ZNF385D: variants seen among roughly 807,000 people sequenced by gnomAD.
The protein encoded by ZNF385D is zinc finger protein 385D.
In ZNF385D, 15 loss-of-function variants were observed where a neutral mutation model predicts 35.8. The ratio of observed to expected loss-of-function variants is 0.42; its 90% CI spans 0.28 to 0.64. ZNF385D has a LOEUF of 0.64. Ranked by LOEUF, ZNF385D falls within the 30% of genes least tolerant of loss-of-function variation. The pLI is 0.23. For synonymous variants in ZNF385D, 212 were observed against 186.8 expected (o/e 1.13, Z -1.10); for missense variants, 474 against 494.6 (o/e 0.96, Z 0.39).
chr3:22,102,896 GA>G lies in ZNF385D; in HGVS notation c.325+65920del, dbSNP rs11446123. 6.0e-4 allele frequency among the ~76,000 whole-genome samples: 59 copies of G among 97,672 alleles called. 1 individual carries two copies. The highest frequency in any genetic ancestry group is 1.6e-3 in the East Asian group (6 of 3,642). 64.1% of individuals were successfully genotyped at this position (97,672 alleles called of 152,430 possible). ...CCTAATAAACTGTGAATTTATCAGGGAAAAAAAAAAACCAACAAGTTCTCAC... is the reference window on the plus strand; with the variant it reads ...CCTAATAAACTGTGAATTTATCAGGGAAAAAAAAAACCAACAAGTTCTCAC... On this transcript the variant is annotated intron_variant, in intron 3 of 5. Transcript: ENST00000494108.
At chr3:21,795,432 A>G (rs1196630578) in intron 3 of ZNF385D, among the ~76,000 whole-genome samples, 1 of 152,224 alleles carries the variant, frequency 6.6e-6, no homozygotes, top group Non-Finnish European at 1.5e-5. Context: ...CGTCTGCTCC[A>G]CTTTGGTGGA....
intron 2 of ZNF385D, among the ~76,000 whole-genome samples, chr3:22,280,366 G>GTTTTT (rs536746722): frequency 7.1e-6 from 1 of 141,022 alleles, no homozygotes; most frequent in African/African-American, 2.6e-5. Context: ...GTCTAGAAGG[G>GTTTTT]TTTTTTTTTT....
Position 21,969,196 on chromosome 3 carries a change from G to A in ZNF385D, c.325+199621C>T, listed in dbSNP as rs149689426. Among the ~76,000 whole-genome samples the A allele has an allele frequency of 6.3e-3, 953 of 152,274 alleles. 10 individuals carry two copies. The highest frequency in any genetic ancestry group is 0.022 in the African/African-American group (906 of 41,550). On this transcript the variant is annotated intron_variant, in intron 3 of 5. Coordinates refer to the ZNF385D transcript ENST00000494108. Reference sequence around the variant, plus strand: ...TGACTTGGGTGGCAGCTCAGCCACAGTAGAATGAAGCACCAGGTAGATACC... The same window carrying A: ...TGACTTGGGTGGCAGCTCAGCCACAATAGAATGAAGCACCAGGTAGATACC...
At chr3:21,933,288 A>G (rs1445117786) in intron 3 of ZNF385D, among the ~76,000 whole-genome samples, 1 of 152,186 alleles carries the variant, frequency 6.6e-6, no homozygotes, top group African/African-American at 2.4e-5. Context: ...AAGGTTCATC[A>G]CAGCTTCTTT....
chr3:21,947,035 G>C (rs1388996574), intron 3 of ZNF385D, among the ~76,000 whole-genome samples: 1 of 152,044 alleles, frequency 6.6e-6, no homozygotes, highest in Non-Finnish European at 1.5e-5. Context: ...CCTGAGAAAT[G>C]TCTTGTGAAT....
intron 3 of ZNF385D, among the ~76,000 whole-genome samples, chr3:22,035,765 G>C (rs936552343): frequency 3.3e-5 from 5 of 152,170 alleles, no homozygotes; most frequent in Non-Finnish European, 7.4e-5. Context: ...TTCATTCTAA[G>C]ATGCAGAATG....
intron 3 of ZNF385D, among the ~76,000 whole-genome samples, chr3:22,126,631 C>G (rs1427694982): frequency 3.9e-5 from 6 of 151,978 alleles, no homozygotes; most frequent in Non-Finnish European, 8.8e-5. Flanking sequence ...GATCCGTATT[C>G]TGAGGAGAAA....
chr3:22,312,614 A>G (rs1256072398), intron 2 of ZNF385D, among the ~76,000 whole-genome samples: 4 of 152,308 alleles, frequency 2.6e-5, no homozygotes, highest in African/African-American at 7.2e-5. Context: ...ACACTTCTCA[A>G]AAGAAGACAT....
intron 3 of ZNF385D, among the ~76,000 whole-genome samples, chr3:22,065,395 G>T (rs144931546): frequency 6.6e-6 from 1 of 152,194 alleles, no homozygotes; most frequent in Admixed American, 6.5e-5. Flanking sequence ...TGCAAAGAAT[G>T]ATGCCTGCTT....
At chr3:22,012,721 A>C (rs907833823) in intron 3 of ZNF385D, among the ~76,000 whole-genome samples, 1 of 152,120 alleles carries the variant, frequency 6.6e-6, no homozygotes, top group African/African-American at 2.4e-5. Context: ...TGAGTTCCCA[A>C]TGGTGCCTAC....
chr3:21,530,633 A>C (rs2061899299), intron 3 of ZNF385D, among the ~76,000 whole-genome samples: 1 of 152,162 alleles, frequency 6.6e-6, no homozygotes, highest in African/African-American at 2.4e-5. Context: ...AGTTATGTTA[A>C]AAGAGACCCT....
rs150571819 is a variant in ZNF385D at position 21,690,262 on chromosome 3, G to C, written c.23-25234C>G. On this transcript the variant is annotated intron_variant, in intron 1 of 7. Transcript: ENST00000281523. ...ACACATATTCATATACATCCATATA[G>C]ACACATATACATCCATATAACGAAA... Among the ~76,000 whole-genome samples, 5 of 152,056 alleles carry C rather than the reference G, an allele frequency of 3.3e-5. No individual in the cohort carries two copies. In the East Asian group the frequency reaches 5.8e-4, roughly 18 times the overall value.
intron 3 of ZNF385D, among the ~76,000 whole-genome samples, chr3:21,906,507 A>G (rs1263074274): frequency 6.6e-6 from 1 of 152,166 alleles, no homozygotes; most frequent in African/African-American, 2.4e-5. Context: ...GAGAACTTTC[A>G]GGATGGATCC....
intron 3 of ZNF385D, among the ~76,000 whole-genome samples, chr3:21,920,121 A>G (rs532760402): frequency 1.3e-5 from 2 of 152,336 alleles, no homozygotes; most frequent in East Asian, 3.9e-4. Flanking sequence ...ACAAACAAAG[A>G]AGAATATGCA....
At chr3:21,475,837 G>A (rs1486254792) in intron 4 of ZNF385D, among the ~76,000 whole-genome samples, 2 of 151,938 alleles carry the variant, frequency 1.3e-5, no homozygotes, top group Non-Finnish European at 2.9e-5. Context: ...GGCATATGAA[G>A]GAAAATCTTT....
chr3:22,170,771 ACTT>A (rs1200027465), intron 2 of ZNF385D, among the ~76,000 whole-genome samples: 1 of 152,152 alleles, frequency 6.6e-6, no homozygotes. Flanking sequence ...ACATTTCAAA[ACTT>A]CTTTTGTCTA....
At chr3:21,972,338 G>A (rs1272553839) in intron 3 of ZNF385D, among the ~76,000 whole-genome samples, 1 of 151,876 alleles carries the variant, frequency 6.6e-6, no homozygotes, top group Admixed American at 6.6e-5. Context: ...AATGACCAGT[G>A]GGTCAATGAA....
At chr3:22,002,596 G>A (rs578026090) in intron 3 of ZNF385D, among the ~76,000 whole-genome samples, 1 of 152,212 alleles carries the variant, frequency 6.6e-6, no homozygotes, top group East Asian at 1.9e-4. Flanking sequence ...GCAGTATTCT[G>A]ACACCAAAAC....
intron 2 of ZNF385D, among the ~76,000 whole-genome samples, chr3:22,206,847 A>G (rs1697190449): frequency 6.6e-6 from 1 of 151,910 alleles, no homozygotes; most frequent in African/African-American, 2.4e-5. Context: ...TAACCTGATA[A>G]TGCACCTTAA....
Sources: allele counts gnomAD v4.1 joint callset (sites outside exome capture counted in the v4.1 genomes callset), GRCh38; gene constraint gnomAD v4.1.1; transcripts MANE v1.5; gene names NCBI Gene and HGNC (gene_info 2026-07-23, HGNC 2026-07-21).